The following DLG2 variants were observed in gnomAD, a reference collection of about 807,000 sequenced individuals.
DLG2 encodes the protein disks large homolog 2.
Under a neutral mutation model 132.5 loss-of-function variants are expected in DLG2, and 45 were observed. The ratio of observed to expected loss-of-function variants is 0.34; its 90% CI spans 0.27 to 0.44. DLG2 has a LOEUF of 0.44. DLG2 is among the 20% of genes least tolerant of loss of function. DLG2 has a pLI of 1.00. For missense variants in DLG2, 1,045 were observed against 1,196.9 expected, an observed-to-expected ratio of 0.87 and a Z score of 1.87; for synonymous variants, 424 against 419.6, an observed-to-expected ratio of 1.01 and a Z score of -0.13.
At chr11:84,578,166 C>T (rs939457607) in intron 6 of DLG2, among the ~76,000 whole-genome samples, 10 of 152,146 alleles carry the variant, frequency 6.6e-5, no homozygotes, top group Non-Finnish European at 1.3e-4. Flanking sequence ...GCTGCATGGA[C>T]GGGGCCCTCA....
chr11:84,346,984 T>C (rs2098542067), intron 7 of DLG2, among the ~76,000 whole-genome samples: 1 of 152,226 alleles, frequency 6.6e-6, no homozygotes, highest in Non-Finnish European at 1.5e-5. Context: ...TTTCACTAAA[T>C]AATTGCAGAT....
chr11:83,896,243 A>G (rs1483391), intron 15 of DLG2, among the ~76,000 whole-genome samples: 3 of 152,312 alleles, frequency 2.0e-5, no homozygotes, highest in South Asian at 4.1e-4. Context: ...CTCTGCTCCA[A>G]TAAACTTATA....
intron 3 of DLG2, among the ~76,000 whole-genome samples, chr11:85,483,646 TC>T (rs2093351031): frequency 6.6e-6 from 1 of 152,092 alleles, no homozygotes; most frequent in Admixed American, 6.6e-5. Context: ...TAAAAGACAA[TC>T]TATTAAGAAT....
At chr11:83,624,500 G>A (rs2062159940) in intron 19 of DLG2, among the ~76,000 whole-genome samples, 1 of 152,156 alleles carries the variant, frequency 6.6e-6, no homozygotes, top group Non-Finnish European at 1.5e-5. Context: ...TAAGCATTAT[G>A]CTAATGGGTC....
chr11:84,820,109 T>C (rs2077510570), intron 6 of DLG2, among the ~76,000 whole-genome samples: 1 of 150,842 alleles, frequency 6.6e-6, no homozygotes. Context: ...CAACTGTAAA[T>C]TAAATACAAC....
chr11:83,544,326 G>T (rs924068794), intron 19 of DLG2, among the ~76,000 whole-genome samples: 1 of 152,078 alleles, frequency 6.6e-6, no homozygotes, highest in Non-Finnish European at 1.5e-5. Context: ...AGTTGTCTTG[G>T]GGAACCCCAA....
chr11:85,259,689 T>A (rs2152711705), intron 4 of DLG2, among the ~76,000 whole-genome samples: 1 of 151,992 alleles, frequency 6.6e-6, no homozygotes, highest in Admixed American at 6.6e-5. Flanking sequence ...AAGCTTCCCA[T>A]CTGAACCTGT....
rs2090127783 is a variant in DLG2, at chr11:83,462,043, C to T, written c.2780G>A (p.Arg927Gln). 3.1e-6 allele frequency: 5 copies of T among 1,613,548 alleles called. No homozygotes were observed. The highest frequency in any genetic ancestry group is 1.7e-5 in the Admixed American group (1 of 60,014). Reference sequence around the variant, plus strand: ...AAATTCTTGTTCTAGCTTAATTGCTCGATCATAGGTTTTCTTGGCTTGTTC... The same window carrying T: ...AAATTCTTGTTCTAGCTTAATTGCTTGATCATAGGTTTTCTTGGCTTGTTC... ...TEEQAKKTYD[R>Q]AIKLEQEFGE... The change falls in exon 27 of 28, where the codon CGA (arginine) becomes CAA (glutamine). Residue 927 changes from arginine to glutamine, a missense_variant. By Grantham distance (43) the Arg-to-Gln change is conservative. This residue lies in a region of DLG2 where 398 missense variants were observed against 543.6 expected (regional missense o/e 0.73). Coordinates refer to ENST00000376104, the MANE Select transcript of DLG2 (RefSeq NM_001142699.3).
intron 21 of DLG2, among the ~76,000 whole-genome samples, chr11:83,525,910 T>C (rs1382257539): frequency 1.3e-5 from 2 of 152,222 alleles, no homozygotes; most frequent in African/African-American, 2.4e-5. Flanking sequence ...GACTGTCACA[T>C]TGATTTTTTG....
At position 84,711,023 on chromosome 11, in the gene DLG2, T is replaced by TAG. The variant is rs1245226866; in HGVS notation, c.358-176293_358-176292insCT. On this transcript the variant is annotated intron_variant, in intron 6 of 27. Transcript: ENST00000376104. ...ATATATATATAGATATATATATATA[T>TAG]ATATATATAGAGCTGAAAAAAGCAT... Among the ~76,000 whole-genome samples the TAG allele has an allele frequency of 2.4e-3, 236 of 98,236 alleles. 2 individuals carry two copies. Among genetic ancestry groups the TAG allele is most frequent in the Admixed American group, 2.4e-3 (27 of 11,122 alleles). The allele number at this position is 98,236 out of a possible 152,430, so 64.4% of individuals were successfully genotyped here. A position where few individuals can be genotyped will look rare whatever the true frequency, so the allele number is the denominator to read the frequency against.
chr11:84,463,019 T>C (rs1288707296), intron 7 of DLG2, among the ~76,000 whole-genome samples: 1 of 151,166 alleles, frequency 6.6e-6, no homozygotes, highest in Non-Finnish European at 1.5e-5. Flanking sequence ...TTCTATTTGT[T>C]ACAAGGCAGT....
At chr11:85,423,822 G>T (rs780332807) in intron 3 of DLG2, among the ~76,000 whole-genome samples, 3 of 152,148 alleles carry the variant, frequency 2.0e-5, no homozygotes, top group Non-Finnish European at 4.4e-5. Flanking sequence ...CAGTTGGAAA[G>T]CATGGCTGAG....
chr11:84,432,116 T>C (rs1315987409), intron 7 of DLG2, among the ~76,000 whole-genome samples: 4 of 152,204 alleles, frequency 2.6e-5, no homozygotes, highest in Admixed American at 6.5e-5. Flanking sequence ...GAGCTGATGA[T>C]AGATCCATCC....
intron 6 of DLG2, among the ~76,000 whole-genome samples, chr11:84,870,146 A>G (rs1486359304): frequency 6.6e-6 from 1 of 152,244 alleles, no homozygotes; most frequent in Non-Finnish European, 1.5e-5. Flanking sequence ...CATATATGCC[A>G]TCAAGGTGGA....
intron 25 of DLG2, among the ~76,000 whole-genome samples, chr11:83,468,918 A>G (rs1225998016): frequency 6.6e-6 from 1 of 151,788 alleles, no homozygotes; most frequent in Non-Finnish European, 1.5e-5. Flanking sequence ...AAAGTAGTAA[A>G]CCTGCCTTAA....
At chr11:84,850,254 T>A (rs1285153505) in intron 6 of DLG2, among the ~76,000 whole-genome samples, 1 of 152,130 alleles carries the variant, frequency 6.6e-6, no homozygotes, top group Non-Finnish European at 1.5e-5. Flanking sequence ...AAAAATTTGC[T>A]ATGCAACATC....
chr11:83,977,780 C>T (rs1360078895), intron 12 of DLG2, among the ~76,000 whole-genome samples: 2 of 152,104 alleles, frequency 1.3e-5, no homozygotes, highest in Non-Finnish European at 1.5e-5. Context: ...TCGACTGTCA[C>T]TCTTCTTTGT....
At position 84,355,546 on chromosome 11, in the gene DLG2, C is replaced by T. The variant is rs187297417; in HGVS notation, c.520-104255G>A. Among the ~76,000 whole-genome samples the T allele has an allele frequency of 2.0e-5, 3 of 152,166 alleles. 1 individual carries two copies. Among genetic ancestry groups the T allele is most frequent in the South Asian group, 4.2e-4 (2 of 4,816 alleles). ...TCAGCTGGTAGCTTGATCTTGGATT[C>T]CCCAGCCTCCAGAACTGTGAGAGAT... On this transcript the variant is annotated intron_variant, in intron 7 of 27. Coordinates refer to ENST00000376104, the MANE Select transcript of DLG2 (RefSeq NM_001142699.3).
At chr11:84,314,750 T>C (rs1458436689) in intron 7 of DLG2, among the ~76,000 whole-genome samples, 1 of 151,856 alleles carries the variant, frequency 6.6e-6, no homozygotes, top group Non-Finnish European at 1.5e-5. Context: ...AATATGTTAA[T>C]ATACATAAGT....
Sources: allele counts gnomAD v4.1 joint callset (sites outside exome capture counted in the v4.1 genomes callset), GRCh38; gene constraint gnomAD v4.1.1; regional missense constraint gnomAD v4.1.1; transcripts MANE v1.5; gene names NCBI Gene and HGNC (gene_info 2026-07-23, HGNC 2026-07-21).